FEV: variants seen among roughly 807,000 people sequenced by gnomAD.
FEV encodes the protein FEV transcription factor, ETS family member, also known as protein FEV.
Under a neutral mutation model 20.5 loss-of-function variants are expected in FEV, and 14 were observed. The observed-to-expected ratio is 0.68, with a 90% CI of 0.45 to 1.07. FEV has a LOEUF of 1.07. Ranked by LOEUF, FEV falls within the 50% of genes least tolerant of loss-of-function variation. The pLI, the probability that FEV is intolerant of heterozygous loss-of-function variation, is 0.00. For synonymous variants in FEV, 188 were observed against 163.7 expected, an observed-to-expected ratio of 1.15 and a Z score of -1.13; for missense variants, 301 against 345.3, an observed-to-expected ratio of 0.87 and a Z score of 1.02.
In FEV at chr2:218,984,741, C is replaced by T. The variant is rs1649158740; in HGVS notation, c.52+283G>A. 6.6e-6 allele frequency among the ~76,000 whole-genome samples: 1 copy of T among 152,122 alleles called. No homozygotes were observed. The highest frequency in any genetic ancestry group is 2.4e-5 in the African/African-American group (1 of 41,432). On this transcript the variant is annotated intron_variant, in intron 1 of 2. Coordinates refer to ENST00000295727, the MANE Select transcript of FEV (RefSeq NM_017521.3). The surrounding 1 kb of genome is among the most constrained non-coding windows in gnomAD (Gnocchi z 5.0). ...AGAGTACTCCACCACGCCAGAGACC[C>T]GTGCTTCCCCTCTCAGGCTCCTTCG...
In FEV at chr2:218,984,330, CAGG is replaced by C. The variant is rs567217953; in HGVS notation, c.53-28_53-26del. ...TCTGCAAGCAGCAGAAGAAAAGAAT[CAGG>C]AGAACCCCGGGCGGAAGTTGTGGGC... On this transcript the variant is annotated intron_variant, in intron 1 of 2. Transcript: ENST00000295727. This position sits in a 1 kb window ranked among gnomAD's most constrained non-coding sequence, Gnocchi z 5.0. 715 of 1,564,120 alleles carry C rather than the reference CAGG, an allele frequency of 4.6e-4. 6 individuals are homozygous for C. In the South Asian group the frequency reaches 7.1e-3, roughly 16 times the overall value.
In FEV at chr2:218,984,179, C is replaced by T. The variant is rs543098096; in HGVS notation, c.127+52G>A. ...TGCTCCCACCTACTGTCCGCCTGTG[C>T]CCTGACCCCAACCAACCTCGCCTCC... is the stretch of plus-strand genomic sequence containing the variant. On this transcript the variant is annotated intron_variant, in intron 2 of 2. Transcript: ENST00000295727. The surrounding 1 kb of genome is among the most constrained non-coding windows in gnomAD (Gnocchi z 5.0). 510 of 1,536,912 alleles carry T rather than the reference C, an allele frequency of 3.3e-4. No homozygotes were observed. The highest frequency in any genetic ancestry group is 5.7e-4 in the Admixed American group (29 of 51,202).
intron 2 of FEV, among the ~76,000 whole-genome samples, chr2:218,983,249 C>T (rs904938738): frequency 2.6e-5 from 4 of 152,206 alleles, no homozygotes; most frequent in Non-Finnish European, 5.9e-5. Context: ...GAGCCTCAAG[C>T]AGACAGGCAG....
chr2:218,984,105 C>T lies in FEV; in HGVS notation c.127+126G>A. 1 of 918,882 alleles carries T rather than the reference C, an allele frequency of 1.1e-6. No homozygotes were observed. The highest frequency in any genetic ancestry group is 1.9e-5 in the South Asian group (1 of 51,430). The allele number at this position is 918,882 out of a possible 1,614,324, so 56.9% of individuals were successfully genotyped here. On this transcript the variant is annotated intron_variant, in intron 2 of 2. Coordinates refer to ENST00000295727, the MANE Select transcript of FEV (RefSeq NM_017521.3). The surrounding 1 kb of genome is among the most constrained non-coding windows in gnomAD (Gnocchi z 5.0). ...AGTGACTGTCTTCCCAAGGCCTCCG[C>T]ACAACCAGGCCAGGACTCCGGGCTT...
In FEV at chr2:218,981,620, G is replaced by A. The variant is rs1328368678; in HGVS notation, c.*47C>T. 4 of 1,256,152 alleles carry A rather than the reference G, an allele frequency of 3.2e-6. No homozygotes were observed. Among genetic ancestry groups the A allele is most frequent in the Middle Eastern group, 2.2e-4 (1 of 4,572 alleles). The allele number at this position is 1,256,152 out of a possible 1,614,324, so 77.8% of individuals were successfully genotyped here. A position where few individuals can be genotyped will look rare whatever the true frequency, so the allele number is the denominator to read the frequency against. On this transcript the variant is annotated 3_prime_UTR_variant, in exon 3 of 3. Coordinates refer to ENST00000295727, the MANE Select transcript of FEV (RefSeq NM_017521.3). The surrounding 1 kb of genome is among the most constrained non-coding windows in gnomAD (Gnocchi z 4.5). ...CCCCGGGATGCCGATGGGATCGGGCGAGACTCTAGGCGTGCGGGCGAGGCC... is the reference window on the plus strand; with the variant it reads ...CCCCGGGATGCCGATGGGATCGGGCAAGACTCTAGGCGTGCGGGCGAGGCC...
rs1378914460 is a variant in FEV at position 218,984,346 on chromosome 2, G to A, written c.53-41C>T. On this transcript the variant is annotated intron_variant, in intron 1 of 2. Coordinates refer to ENST00000295727, the MANE Select transcript of FEV (RefSeq NM_017521.3). The surrounding 1 kb of genome is among the most constrained non-coding windows in gnomAD (Gnocchi z 5.0). ...GAAAAGAATCAGGAGAACCCCGGGCGGAAGTTGTGGGCTTGACAAAAGGGC... is the reference window on the plus strand; with the variant it reads ...GAAAAGAATCAGGAGAACCCCGGGCAGAAGTTGTGGGCTTGACAAAAGGGC... 5 of 1,537,852 alleles carry A rather than the reference G, an allele frequency of 3.3e-6. No individual in the cohort carries two copies. The highest frequency in any genetic ancestry group is 4.4e-6 in the Non-Finnish European group (5 of 1,135,004).
In FEV at chr2:218,985,134, C is replaced by A; in HGVS notation, c.-59G>T. 7.6e-7 allele frequency: 1 copy of A among 1,321,462 alleles called. No individual in the cohort carries two copies. The highest frequency in any genetic ancestry group is 1.0e-6 in the Non-Finnish European group (1 of 972,716). 81.9% of individuals were successfully genotyped at this position (1,321,462 alleles called of 1,614,324 possible). On this transcript the variant is annotated 5_prime_UTR_variant, in exon 1 of 3. Coordinates refer to ENST00000295727, the MANE Select transcript of FEV (RefSeq NM_017521.3). ...GGACGGGGAAGGGGGGCGAGGCAGG[C>A]TTTGCGCTCGGTGGCACCGATCCCC...
chr2:218,983,987 A>G (rs771782036), intron 2 of FEV, among the ~76,000 whole-genome samples: 4 of 152,206 alleles, frequency 2.6e-5, no homozygotes, highest in Non-Finnish European at 4.4e-5. Context: ...AACCATACAC[A>G]GCAGCAAAAG....
chr2:218,982,286 C>T (rs1440661068), intron 2 of FEV, 30 bp from the exon 3 acceptor site: 4 of 1,531,130 alleles, frequency 2.6e-6, no homozygotes, highest in Non-Finnish European at 3.5e-6. Flanking sequence ...CAGCCACAGG[C>T]GGGAGCGGGG....
Position 218,981,623 on chromosome 2 carries a change from A to G in FEV, c.*44T>C. 1 of 1,257,836 alleles carries G rather than the reference A, an allele frequency of 8.0e-7. No individual in the cohort carries two copies. The highest frequency in any genetic ancestry group is 1.0e-6 in the Non-Finnish European group (1 of 998,222). The allele number at this position is 1,257,836 out of a possible 1,614,324, so 77.9% of individuals were successfully genotyped here. A position where few individuals can be genotyped will look rare whatever the true frequency, so the allele number is the denominator to read the frequency against. On this transcript the variant is annotated 3_prime_UTR_variant, in exon 3 of 3. Transcript: ENST00000295727. The surrounding 1 kb of genome is among the most constrained non-coding windows in gnomAD (Gnocchi z 4.5). ...CGGGATGCCGATGGGATCGGGCGAG[A>G]CTCTAGGCGTGCGGGCGAGGCCGCA...
rs1204435004 is a variant in FEV at position 218,984,247 on chromosome 2, G to A, written c.111C>T (p.Ser37=). Residue 37 remains serine, a synonymous_variant, in exon 2 of 3, where the codon AGC becomes AGT. Coordinates refer to ENST00000295727, the MANE Select transcript of FEV (RefSeq NM_017521.3). This position sits in a 1 kb window ranked among gnomAD's most constrained non-coding sequence, Gnocchi z 5.0. ...CCATCTCACCTTTCTGAACCGCGGG[G>A]CTCAGCGGCCCCCAGCTCGGGTTCT... is the stretch of plus-strand genomic sequence containing the variant. ...DGKNPSWGPL[S]PAVQKGSGQI... is the part of the protein sequence containing the mutation. The A allele has an allele frequency of 1.3e-6, 2 of 1,599,526 alleles. No homozygotes were observed. Among genetic ancestry groups the A allele is most frequent in the Non-Finnish European group, 1.7e-6 (2 of 1,173,482 alleles).
chr2:218,981,940 A>T lies in FEV; in HGVS notation c.444T>A (p.Ala148=). ...PPAHAHAAAA[A]AAAAAAAQDG... ...CCTGGGCGGCCGCGGCGGCGGCAGC[A>T]GCTGCGGCGGCGGCATGAGCGTGCG... Residue 148 remains alanine (A), a synonymous_variant, in exon 3 of 3, where the codon GCT becomes GCA. Transcript: ENST00000295727. The surrounding 1 kb of genome is among the most constrained non-coding windows in gnomAD (Gnocchi z 4.5). 4.2e-6 allele frequency: 6 copies of T among 1,414,206 alleles called. No individual in the cohort carries two copies. The highest frequency in any genetic ancestry group is 4.6e-6 in the Non-Finnish European group (5 of 1,088,892). The allele number at this position is 1,414,206 out of a possible 1,614,324, so 87.6% of individuals were successfully genotyped here. A position where few individuals can be genotyped will look rare whatever the true frequency, so the allele number is the denominator to read the frequency against.
Position 218,984,384 on chromosome 2 carries a change from C to A in FEV, c.53-79G>T. Reference sequence around the variant, plus strand: ...TTGACAAAAGGGCCCCGGGCCAAGGCTTAAGGGGGGTGCTGTGGTCCCCAG... The same window carrying A: ...TTGACAAAAGGGCCCCGGGCCAAGGATTAAGGGGGGTGCTGTGGTCCCCAG... On this transcript the variant is annotated intron_variant, in intron 1 of 2. Coordinates refer to ENST00000295727, the MANE Select transcript of FEV (RefSeq NM_017521.3). The surrounding 1 kb of genome is among the most constrained non-coding windows in gnomAD (Gnocchi z 5.0). The A allele has an allele frequency of 7.2e-7, 1 of 1,383,542 alleles. No homozygotes were observed. Among genetic ancestry groups the A allele is most frequent in the South Asian group, 1.3e-5 (1 of 75,204 alleles). 85.7% of individuals were successfully genotyped at this position (1,383,542 alleles called of 1,614,324 possible). A position where few individuals can be genotyped will look rare whatever the true frequency, so the allele number is the denominator to read the frequency against.
intron 2 of FEV, among the ~76,000 whole-genome samples, chr2:218,982,824 T>C (rs1268286515): frequency 2.0e-5 from 3 of 152,126 alleles, no homozygotes; most frequent in Middle Eastern, 3.2e-3. Context: ...AAAGACGTAG[T>C]TGGACAGGCT....
chr2:218,985,111 ACGGGGAAGGGGGG>A lies in FEV; in HGVS notation c.-49_-37del. On this transcript the variant is annotated 5_prime_UTR_variant, in exon 1 of 3. Transcript: ENST00000295727. ...GACTGGGCGGTGGGAGATGGGGGGG[ACGGGGAAGGGGGG>A]CGAGGCAGGCTTTGCGCTCGGTGGC... 2 of 1,272,334 alleles carry A rather than the reference ACGGGGAAGGGGGG, an allele frequency of 1.6e-6. No individual in the cohort carries two copies. The highest frequency in any genetic ancestry group is 2.2e-6 in the Non-Finnish European group (2 of 922,592). 78.8% of individuals were successfully genotyped at this position (1,272,334 alleles called of 1,614,324 possible). A position where few individuals can be genotyped will look rare whatever the true frequency, so the allele number is the denominator to read the frequency against.
Position 218,984,722 on chromosome 2 carries a change from C to CTCCA in FEV, c.52+298_52+301dup, listed in dbSNP as rs1172623288. On this transcript the variant is annotated intron_variant, in intron 1 of 2. Transcript: ENST00000295727. This position sits in a 1 kb window ranked among gnomAD's most constrained non-coding sequence, Gnocchi z 5.0. ...TCTGGTACGGCTCGGCCACAGAGTA[C>CTCCA]TCCACCACGCCAGAGACCCGTGCTT... Among the ~76,000 whole-genome samples the CTCCA allele has an allele frequency of 6.6e-6, 1 of 152,128 alleles. No individual in the cohort carries two copies. Among genetic ancestry groups the CTCCA allele is most frequent in the Non-Finnish European group, 1.5e-5 (1 of 68,024 alleles).
chr2:218,984,168 G>T lies in FEV; in HGVS notation c.127+63C>A. ...TGGGTCCACACTGCTCCCACCTACTGTCCGCCTGTGCCCTGACCCCAACCA... is the reference window on the plus strand; with the variant it reads ...TGGGTCCACACTGCTCCCACCTACTTTCCGCCTGTGCCCTGACCCCAACCA... On this transcript the variant is annotated intron_variant, in intron 2 of 2. Coordinates refer to ENST00000295727, the MANE Select transcript of FEV (RefSeq NM_017521.3). This position sits in a 1 kb window ranked among gnomAD's most constrained non-coding sequence, Gnocchi z 5.0. 1 of 1,501,418 alleles carries T rather than the reference G, an allele frequency of 6.7e-7. No homozygotes were observed. Among genetic ancestry groups the T allele is most frequent in the Non-Finnish European group, 9.1e-7 (1 of 1,104,622 alleles). The allele number at this position is 1,501,418 out of a possible 1,614,324, so 93.0% of individuals were successfully genotyped here.
Position 218,984,315 on chromosome 2 carries a change from G to A in FEV, c.53-10C>T. ...CCGTCTCCGACGGGATCTGCAAGCA[G>A]CAGAAGAAAAGAATCAGGAGAACCC... On this transcript the variant is annotated splice_polypyrimidine_tract_variant and intron_variant, in intron 1 of 2. Transcript: ENST00000295727. The surrounding 1 kb of genome is among the most constrained non-coding windows in gnomAD (Gnocchi z 5.0). The A allele has an allele frequency of 6.3e-7, 1 of 1,585,272 alleles. No individual in the cohort carries two copies. The highest frequency in any genetic ancestry group is 8.6e-7 in the Non-Finnish European group (1 of 1,165,224).
At position 218,981,320 on chromosome 2, in the gene FEV, T is replaced by G; in HGVS notation, c.*347A>C. 1 of 265,870 alleles carries G rather than the reference T, an allele frequency of 3.8e-6. No homozygotes were observed. Among genetic ancestry groups the G allele is most frequent in the Non-Finnish European group, 7.1e-6 (1 of 140,540 alleles). The allele number at this position is 265,870 out of a possible 1,614,324, so 16.5% of individuals were successfully genotyped here. A position where few individuals can be genotyped will look rare whatever the true frequency, so the allele number is the denominator to read the frequency against. On this transcript the variant is annotated 3_prime_UTR_variant, in exon 3 of 3. Transcript: ENST00000295727. The surrounding 1 kb of genome is among the most constrained non-coding windows in gnomAD (Gnocchi z 4.5). ...AGATTTGGCACTCGTTAAAGAGTAG[T>G]GATATTGAATGGGGCTTCTAGGAGC... is the stretch of plus-strand genomic sequence containing the variant.
Sources: allele counts gnomAD v4.1 joint callset (sites outside exome capture counted in the v4.1 genomes callset), GRCh38; gene constraint gnomAD v4.1.1; non-coding constraint Gnocchi (gnomAD v3.1); transcripts MANE v1.5; gene names NCBI Gene and HGNC (gene_info 2026-07-23, HGNC 2026-07-21).